The following SLC35F1 variants were observed in gnomAD, a reference collection of about 807,000 sequenced individuals.
SLC35F1 encodes chromosome 6 open reading frame 169.
SLC35F1 carries 14 observed loss-of-function variants against 48.7 expected under a neutral mutation model. That is an observed-to-expected ratio of 0.29 (90% CI 0.19 to 0.45). SLC35F1 has a LOEUF of 0.45. SLC35F1 is among the 20% of genes least tolerant of loss of function. SLC35F1 has a pLI of 1.00. For missense variants in SLC35F1, 404 were observed against 500.0 expected (o/e 0.81, Z 1.83); for synonymous variants, 190 against 202.2 (o/e 0.94, Z 0.51).
At chr6:118,177,970 T>C (rs934896589) in intron 2 of SLC35F1, among the ~76,000 whole-genome samples, 2 of 152,066 alleles carry the variant, frequency 1.3e-5, no homozygotes, top group Admixed American at 1.3e-4. Flanking sequence ...CCTGCCGTGG[T>C]AGTACTGAGG....
intron 1 of SLC35F1, among the ~76,000 whole-genome samples, chr6:118,037,998 G>A (rs1772159266): frequency 6.6e-6 from 1 of 152,030 alleles, no homozygotes; most frequent in South Asian, 2.1e-4. Context: ...TAACAAACCT[G>A]CGCATTCTGC....
Position 117,912,905 on chromosome 6 carries a change from A to G in SLC35F1, c.173+5006A>G, listed in dbSNP as rs147522974. Among the ~76,000 whole-genome samples the G allele has an allele frequency of 7.2e-5, 11 of 152,272 alleles. No individual in the cohort carries two copies. The East Asian group carries it at 2.1e-3, about 29-fold the overall frequency. ...TTTGTGTGATTTTCTTTGAACTTTT[A>G]CTTTCTCAAAATCCTTCAGTGTCTT... On this transcript the variant is annotated intron_variant, in intron 1 of 7. Transcript: ENST00000360388.
chr6:117,982,438 T>G (rs1216552056), intron 1 of SLC35F1, among the ~76,000 whole-genome samples: 1 of 152,206 alleles, frequency 6.6e-6, no homozygotes, highest in Non-Finnish European at 1.5e-5. Context: ...CAGGTTCTTT[T>G]CCCTAATCTT....
chr6:117,988,122 A>T (rs1363133298), intron 1 of SLC35F1, among the ~76,000 whole-genome samples: 1 of 152,132 alleles, frequency 6.6e-6, no homozygotes, highest in Non-Finnish European at 1.5e-5. Context: ...AAAGCCAGGG[A>T]TTGTGTGGGC....
rs1419324192 is a variant in SLC35F1 at position 117,944,878 on chromosome 6, TG to T, written c.173+36980del. ...GTTGTCTAAATCTGAGTGCTTTTAC[TG>T]TGTTCCCAAATGGTCTGGATCTGTC... On this transcript the variant is annotated intron_variant, in intron 1 of 7. Coordinates refer to ENST00000360388, the MANE Select transcript of SLC35F1 (RefSeq NM_001029858.4). Among the ~76,000 whole-genome samples, 3 of 152,208 alleles carry T rather than the reference TG, an allele frequency of 2.0e-5. No individual in the cohort carries two copies. In the East Asian group the frequency reaches 5.8e-4, roughly 29 times the overall value.
At chr6:118,141,387 TAAGTAC>T (rs200650165) in intron 1 of SLC35F1, among the ~76,000 whole-genome samples, 1,913 of 152,320 alleles carry the variant, frequency 0.013, 35 homozygotes, top group African/African-American at 0.043. Context: ...TAGGTTTGCG[TAAGTAC>T]ACTCTATGAT....
intron 2 of SLC35F1, among the ~76,000 whole-genome samples, chr6:118,228,565 G>A (rs986384968): frequency 2.6e-5 from 4 of 151,944 alleles, no homozygotes; most frequent in African/African-American, 7.3e-5. Flanking sequence ...ATGGTGGCGT[G>A]CATCTGTAGT....
intron 1 of SLC35F1, among the ~76,000 whole-genome samples, chr6:118,119,504 C>CCA (rs112815762): frequency 3.6e-4 from 41 of 112,908 alleles, no homozygotes; most frequent in African/African-American, 1.2e-3. Context: ...GCCCCCCCTC[C>CCA]ACCCCGCTTT....
intron 2 of SLC35F1, among the ~76,000 whole-genome samples, chr6:118,214,519 G>A (rs976438689): frequency 2.6e-5 from 4 of 152,016 alleles, no homozygotes; most frequent in Non-Finnish European, 5.9e-5. Flanking sequence ...GTCACCTTAC[G>A]CCAACCTTTT....
intron 1 of SLC35F1, among the ~76,000 whole-genome samples, chr6:117,989,846 G>A (rs1239600704): frequency 6.6e-6 from 1 of 152,198 alleles, no homozygotes; most frequent in African/African-American, 2.4e-5. Context: ...AGCAAAGCCT[G>A]TAACTTGATT....
At chr6:118,243,353 C>T (rs1461209863) in intron 3 of SLC35F1, among the ~76,000 whole-genome samples, 2 of 152,156 alleles carry the variant, frequency 1.3e-5, no homozygotes, top group Non-Finnish European at 2.9e-5. Context: ...GTGGCTCATG[C>T]CTGCAATCCC....
chr6:118,058,025 A>G (rs557733471), intron 1 of SLC35F1, among the ~76,000 whole-genome samples: 2 of 152,262 alleles, frequency 1.3e-5, no homozygotes, highest in African/African-American at 2.4e-5. Flanking sequence ...CTTTCCTGTT[A>G]TATCTTGGTG....
chr6:118,128,463 A>G (rs962690552), intron 1 of SLC35F1, among the ~76,000 whole-genome samples: 6 of 151,488 alleles, frequency 4.0e-5, no homozygotes, highest in Non-Finnish European at 7.4e-5. Flanking sequence ...CATATACACC[A>G]TGGAATACTA....
chr6:118,300,966 A>T (rs1776248865), intron 7 of SLC35F1, among the ~76,000 whole-genome samples: 1 of 152,178 alleles, frequency 6.6e-6, no homozygotes. Flanking sequence ...GCAGGAATGT[A>T]GCTGTGTTCC....
At chr6:118,289,632 C>T (rs1776093424) in intron 7 of SLC35F1, among the ~76,000 whole-genome samples, 1 of 152,024 alleles carries the variant, frequency 6.6e-6, no homozygotes, top group South Asian at 2.1e-4. Context: ...TTTATTTAAA[C>T]TTATCATGTA....
chr6:117,949,137 A>G (rs1354524999), intron 1 of SLC35F1, among the ~76,000 whole-genome samples: 1 of 152,156 alleles, frequency 6.6e-6, no homozygotes, highest in African/African-American at 2.4e-5. Context: ...ATGTGTCCTG[A>G]GGCATGGAAA....
At chr6:118,019,433 C>G (rs1015511133) in intron 1 of SLC35F1, among the ~76,000 whole-genome samples, 5 of 152,072 alleles carry the variant, frequency 3.3e-5, no homozygotes, top group Admixed American at 3.3e-4. Context: ...ACTAGCCTGG[C>G]CAACATGGTG....
rs184755768 is a variant in SLC35F1, at chr6:118,193,044, A to C, written c.349+38424A>C. Among the ~76,000 whole-genome samples, 24 of 152,272 alleles carry C rather than the reference A, an allele frequency of 1.6e-4. No individual in the cohort carries two copies. In the East Asian group the frequency reaches 4.6e-3, roughly 29 times the overall value. ...GGAGGGAAGACTTAGCTTTCCAAAA[A>C]ATTTGTCTTTTATCTTTCCCTTCTT... On this transcript the variant is annotated intron_variant, in intron 2 of 7. Transcript: ENST00000360388.
chr6:118,063,027 G>A (rs1157391802), intron 1 of SLC35F1, among the ~76,000 whole-genome samples: 4 of 151,856 alleles, frequency 2.6e-5, no homozygotes, highest in South Asian at 2.1e-4. Context: ...TTATATTATC[G>A]GGGAAAAGTA....
Sources: allele counts gnomAD v4.1 joint callset (sites outside exome capture counted in the v4.1 genomes callset), GRCh38; gene constraint gnomAD v4.1.1; transcripts MANE v1.5; gene names NCBI Gene and HGNC (gene_info 2026-07-23, HGNC 2026-07-21).